GDA: variants seen among roughly 807,000 people sequenced by gnomAD.
GDA encodes the protein guanine deaminase.
A neutral mutation model predicts 59.6 loss-of-function variants in GDA; 18 were observed. The observed-to-expected ratio is 0.30, with a 90% CI of 0.21 to 0.45. GDA has a LOEUF of 0.45. Among genes scored for constraint, GDA ranks in the 20% least tolerant of loss-of-function variants. GDA has a pLI of 1.00. For missense variants in GDA, 427 were observed against 552.3 expected (o/e 0.77, Z 2.27); for synonymous variants, 201 against 201.1 (o/e 1.00, Z 0.00).
intron 1 of GDA, among the ~76,000 whole-genome samples, chr9:72,124,373 G>C (rs897111211): frequency 5.3e-5 from 8 of 152,124 alleles, no homozygotes; most frequent in African/African-American, 1.9e-4. Context: ...AGCAAAAAAT[G>C]CTGCTACTCA....
At chr9:72,256,198 T>C (rs547376885), downstream of GDA, among the ~76,000 whole-genome samples, 12 of 152,346 alleles carry the variant, frequency 7.9e-5, no homozygotes, top group East Asian at 1.7e-3. Flanking sequence ...TTTTGAAAGA[T>C]AGAAATCTGT....
At chr9:72,183,952 T>C (rs1022702931) in intron 1 of GDA, among the ~76,000 whole-genome samples, 2 of 152,226 alleles carry the variant, frequency 1.3e-5, no homozygotes, top group Non-Finnish European at 2.9e-5. Context: ...ATTTTCTTTA[T>C]TCAGATTTGA....
chr9:72,248,750 G>A lies in GDA; in HGVS notation c.*408G>A. 1.0e-6 allele frequency: 1 copy of A among 997,914 alleles called. No individual in the cohort carries two copies. The highest frequency in any genetic ancestry group is 1.2e-6 in the Non-Finnish European group (1 of 835,912). The allele number at this position is 997,914 out of a possible 1,614,324, so 61.8% of individuals were successfully genotyped here. ...ATTAGAAGACTGAAAATGGACCCAT[G>A]AGAGTATATTTTTATGAGGGAGCAA... On this transcript the variant is annotated 3_prime_UTR_variant, in exon 14 of 14. Transcript: ENST00000358399.
At chr9:72,201,496 G>A (rs1466210757) in intron 2 of GDA, among the ~76,000 whole-genome samples, 1 of 152,052 alleles carries the variant, frequency 6.6e-6, no homozygotes, top group East Asian at 1.9e-4. Context: ...GCCATTCCTT[G>A]CTCTTGTTTT....
chr9:72,215,029 CG>C (rs1235035646), intron 5 of GDA, among the ~76,000 whole-genome samples: 1 of 152,068 alleles, frequency 6.6e-6, no homozygotes, highest in African/African-American at 2.4e-5. Context: ...CCACTGTGCC[CG>C]GCTCAAAGTT....
At chr9:72,149,434 G>C (rs905221058), upstream of GDA, 19 of 1,145,864 alleles carry the variant, frequency 1.7e-5, no homozygotes, top group Non-Finnish European at 2.2e-5. Flanking sequence ...CCGGGTAAGC[G>C]GGGGCAGGAC....
intron 10 of GDA, 117 bp downstream of exon 10, chr9:72,231,298 C>G: frequency 1.5e-6 from 1 of 646,036 alleles, no homozygotes; most frequent in Non-Finnish European, 2.8e-6. Flanking sequence ...AGTTTTGGGC[C>G]GGGCACGGTA....
intron 4 of GDA, among the ~76,000 whole-genome samples, chr9:72,212,447 A>G (rs183243130): frequency 6.6e-6 from 1 of 151,756 alleles, no homozygotes; most frequent in African/African-American, 2.4e-5. Flanking sequence ...GTGCCACTGC[A>G]CTCCAGCCTG....
At chr9:72,240,676 A>G (rs1373631593) in intron 10 of GDA, among the ~76,000 whole-genome samples, 1 of 152,176 alleles carries the variant, frequency 6.6e-6, no homozygotes, top group Non-Finnish European at 1.5e-5. Flanking sequence ...AGAGAGACAA[A>G]TAGAAGACAC....
At chr9:72,219,386 G>A in intron 5 of GDA, 93 bp from the exon 6 acceptor site, 1 of 911,090 alleles carries the variant, frequency 1.1e-6, no homozygotes, top group Non-Finnish European at 1.7e-6. Context: ...CTGGGCGACA[G>A]AGCCAGACTC....
intron 1 of GDA, among the ~76,000 whole-genome samples, chr9:72,183,646 G>T (rs1230014731): frequency 6.6e-6 from 1 of 152,174 alleles, no homozygotes; most frequent in Admixed American, 6.5e-5. Context: ...TTTGGGCAAG[G>T]TACTTAACAT....
intron 1 of GDA, among the ~76,000 whole-genome samples, chr9:72,121,000 C>T (rs1375036726): frequency 6.6e-6 from 1 of 152,116 alleles, no homozygotes; most frequent in Non-Finnish European, 1.5e-5. Flanking sequence ...ATTAATGAGT[C>T]CCCTCTCCTT....
chr9:72,118,158 G>C (rs1391550987), intron 1 of GDA, among the ~76,000 whole-genome samples: 1 of 150,466 alleles, frequency 6.6e-6, no homozygotes, highest in East Asian at 2.0e-4. Context: ...TGTAGTCCCA[G>C]CTACTCGGGA....
intron 10 of GDA, 143 bp from the exon 11 acceptor site, chr9:72,241,009 C>T (rs149325172): frequency 1.7e-4 from 86 of 500,474 alleles, no homozygotes; most frequent in Admixed American, 4.1e-4. Flanking sequence ...TCTTAGTCTA[C>T]GACTATCTTG....
intron 10 of GDA, among the ~76,000 whole-genome samples, chr9:72,237,220 A>G (rs750612486): frequency 3.3e-5 from 5 of 152,000 alleles, no homozygotes; most frequent in African/African-American, 4.8e-5. Context: ...CACCAACTTC[A>G]GTCTGGATTC....
In GDA at chr9:72,241,141, A is replaced by G; in HGVS notation, c.989-11A>G. 1 of 1,582,638 alleles carries G rather than the reference A, an allele frequency of 6.3e-7. No homozygotes were observed. Among genetic ancestry groups the G allele is most frequent in the Non-Finnish European group, 8.6e-7 (1 of 1,156,526 alleles). ...AAGGTTACTGTTTTGGTTTTATTTTACCTACTGCAGACGTGGCTGGTGGCT... is the reference window on the plus strand; with the variant it reads ...AAGGTTACTGTTTTGGTTTTATTTTGCCTACTGCAGACGTGGCTGGTGGCT... On this transcript the variant is annotated splice_polypyrimidine_tract_variant and intron_variant, in intron 10 of 13. Coordinates refer to ENST00000358399, the MANE Select transcript of GDA (RefSeq NM_004293.5).
Position 72,245,258 on chromosome 9 carries a change from T to G in GDA, c.1246T>G (p.Phe416Val). The change falls in exon 12 of 14, where the codon TTT (phenylalanine) becomes GTT (valine). Residue 416 changes from phenylalanine to valine, a missense_variant. Transcript: ENST00000358399. ...TCCCATTGACCTGTTTTATGGGGAC[T>G]TTTTTGGTGATATTTCTGAGGTAAG... ...DSPIDLFYGD[F>V]FGDISEAVIQ... is the part of the protein sequence containing the mutation. 6.2e-7 allele frequency: 1 copy of G among 1,609,872 alleles called. No homozygotes were observed. The highest frequency in any genetic ancestry group is 8.5e-7 in the Non-Finnish European group (1 of 1,176,230).
chr9:72,150,787 T>C (rs1827112587), intron 1 of GDA, among the ~76,000 whole-genome samples: 1 of 152,212 alleles, frequency 6.6e-6, no homozygotes, highest in Admixed American at 6.5e-5. Context: ...AAAAATACTC[T>C]TTCTATGCAC....
chr9:72,198,846 G>GATAGATATATATATATATATATATATAT (rs1554669169), intron 2 of GDA, among the ~76,000 whole-genome samples: 3 of 128,574 alleles, frequency 2.3e-5, no homozygotes, highest in African/African-American at 7.6e-5. Flanking sequence ...TATATAGGGG[G>GATAGATATATATATATATATATATATAT]ATATATATAT....
Sources: allele counts gnomAD v4.1 joint callset (sites outside exome capture counted in the v4.1 genomes callset), GRCh38; gene constraint gnomAD v4.1.1; transcripts MANE v1.5; gene names NCBI Gene and HGNC (gene_info 2026-07-23, HGNC 2026-07-21).